TAFA1: variants seen among roughly 807,000 people sequenced by gnomAD.
TAFA1 encodes the protein TAFA chemokine like family member 1.
A neutral mutation model predicts 18.5 loss-of-function variants in TAFA1; 4 were observed. That is an observed-to-expected ratio of 0.22 (90% CI 0.11 to 0.49). The LOEUF is 0.49. Among genes scored for constraint, TAFA1 ranks in the 20% least tolerant of loss-of-function variants. The probability of loss-of-function intolerance (pLI) is 0.98; values close to 1 mark genes in which losing one functional copy is unlikely to be tolerated. For synonymous variants in TAFA1, 56 were observed against 55.2 expected (o/e 1.01, Z -0.06); for missense variants, 147 against 169.0 (o/e 0.87, Z 0.72).
chr3:68,133,311 G>A (rs1285452292), intron 2 of TAFA1, among the ~76,000 whole-genome samples: 2 of 152,114 alleles, frequency 1.3e-5, no homozygotes, highest in African/African-American at 4.8e-5. Context: ...GATGCTTCCA[G>A]CTTTGTTCTT....
chr3:68,094,776 C>T (rs760811463), intron 2 of TAFA1, among the ~76,000 whole-genome samples: 61 of 152,198 alleles, frequency 4.0e-4, no homozygotes, highest in Non-Finnish European at 7.8e-4. Context: ...ATCACAAGTA[C>T]TGAGTGGATG....
At chr3:68,145,507 T>C in intron 2 of TAFA1, 1 of 1,010,242 alleles carries the variant, frequency 9.9e-7, no homozygotes, top group Non-Finnish European at 1.6e-6. Flanking sequence ...GAAAGCCAGT[T>C]GCAGGGGCCC....
chr3:68,190,890 TA>T (rs34950789), intron 2 of TAFA1, among the ~76,000 whole-genome samples: 2 of 151,818 alleles, frequency 1.3e-5, no homozygotes, highest in African/African-American at 4.8e-5. Flanking sequence ...ATGAATTAAA[TA>T]AAAAAGTATC....
chr3:68,110,015 G>A (rs1030126478), intron 2 of TAFA1, among the ~76,000 whole-genome samples: 2 of 151,956 alleles, frequency 1.3e-5, no homozygotes, highest in Non-Finnish European at 2.9e-5. Flanking sequence ...TGTGCAGCAT[G>A]TGCAGGTTTG....
intron 2 of TAFA1, among the ~76,000 whole-genome samples, chr3:68,350,171 G>C (rs73101110): frequency 0.022 from 3,309 of 152,220 alleles, 50 homozygotes; most frequent in Non-Finnish European, 0.035. Flanking sequence ...GGTACTCAGC[G>C]CCTCAATCGG....
chr3:68,120,787 A>G (rs978186394), intron 2 of TAFA1, among the ~76,000 whole-genome samples: 2 of 152,158 alleles, frequency 1.3e-5, no homozygotes, highest in African/African-American at 2.4e-5. Flanking sequence ...TTAGAAACCT[A>G]TGGTAGGGGA....
At chr3:68,129,407 G>A (rs1202663967) in intron 2 of TAFA1, among the ~76,000 whole-genome samples, 1 of 152,212 alleles carries the variant, frequency 6.6e-6, no homozygotes, top group Admixed American at 6.5e-5. Context: ...ATGAACTACT[G>A]CAAGATACTC....
chr3:68,237,425 C>A (rs1399564250), intron 2 of TAFA1, among the ~76,000 whole-genome samples: 1 of 152,200 alleles, frequency 6.6e-6, no homozygotes, highest in Admixed American at 6.5e-5. Flanking sequence ...TGGGAGGACA[C>A]AAACATTCAG....
At chr3:68,393,984 A>G (rs2070321278) in intron 2 of TAFA1, among the ~76,000 whole-genome samples, 2 of 152,332 alleles carry the variant, frequency 1.3e-5, no homozygotes, top group South Asian at 4.1e-4. Context: ...CACCACTCCT[A>G]TTCAACATAG....
In TAFA1 at chr3:68,006,640, C is replaced by T. The variant is rs781766500; in HGVS notation, c.14C>T (p.Ser5Phe). ...TCTCTTTAGAGAATGGCAATGGTCT[C>T]TGCGATGTCCTGGGTCCTGTATTTG... MAMVSAMSWVLYLWI... is the reference protein window; with the variant it reads MAMVFAMSWVLYLWI... The change falls in exon 2 of 5, where the codon TCT becomes TTT. Residue 5 changes from serine (S) to phenylalanine (F), a missense_variant. Transcript: ENST00000478136. 6.2e-7 allele frequency: 1 copy of T among 1,613,502 alleles called. No homozygotes were observed. The highest frequency in any genetic ancestry group is 8.5e-7 in the Non-Finnish European group (1 of 1,179,436).
intron 2 of TAFA1, among the ~76,000 whole-genome samples, chr3:68,274,041 C>G (rs773410434): frequency 6.6e-6 from 1 of 152,146 alleles, no homozygotes; most frequent in Non-Finnish European, 1.5e-5. Flanking sequence ...TATGAGATTA[C>G]CTGCCAAGAA....
chr3:68,339,675 T>C (rs7433109), intron 2 of TAFA1, among the ~76,000 whole-genome samples: 10,979 of 152,258 alleles, frequency 0.072, 1,095 homozygotes, highest in African/African-American at 0.21. Flanking sequence ...TTGAATATGC[T>C]GTTGCCACTT....
intron 2 of TAFA1, among the ~76,000 whole-genome samples, chr3:68,293,249 A>G (rs1382678143): frequency 6.6e-6 from 1 of 152,206 alleles, no homozygotes; most frequent in Non-Finnish European, 1.5e-5. Context: ...GGATCTTCAC[A>G]TGCTTTCTGA....
At chr3:68,076,187 G>A (rs1455824415) in intron 2 of TAFA1, among the ~76,000 whole-genome samples, 3 of 152,022 alleles carry the variant, frequency 2.0e-5, no homozygotes, top group Non-Finnish European at 4.4e-5. Context: ...GTGGTGTAGT[G>A]GTCTTTGAAG....
chr3:68,122,851 T>G (rs964836497), intron 2 of TAFA1, among the ~76,000 whole-genome samples: 10 of 152,150 alleles, frequency 6.6e-5, no homozygotes, highest in East Asian at 5.8e-4. Flanking sequence ...TATTATACAC[T>G]AGATTTTTAC....
chr3:68,448,583 AAG>A (rs2071512619), intron 3 of TAFA1, among the ~76,000 whole-genome samples: 1 of 152,164 alleles, frequency 6.6e-6, no homozygotes, highest in African/African-American at 2.4e-5. Flanking sequence ...ATTGCAGTTA[AAG>A]GTTAATGGAA....
At chr3:68,513,847 C>A (rs2072883469) in intron 3 of TAFA1, among the ~76,000 whole-genome samples, 1 of 152,114 alleles carries the variant, frequency 6.6e-6, no homozygotes, top group South Asian at 2.1e-4. Flanking sequence ...TCTCAAGTAG[C>A]TTTTGATCAA....
intron 2 of TAFA1, among the ~76,000 whole-genome samples, chr3:68,406,950 A>G (rs976409300): frequency 1.3e-5 from 2 of 152,210 alleles, no homozygotes; most frequent in East Asian, 3.9e-4. Flanking sequence ...GAGTTTCAAC[A>G]TATCCAACGT....
intron 3 of TAFA1, among the ~76,000 whole-genome samples, chr3:68,489,987 T>C (rs1048361122): frequency 2.0e-5 from 3 of 152,180 alleles, no homozygotes; most frequent in African/African-American, 7.2e-5. Context: ...TGCAACCCTT[T>C]TGTGAAACAA....
Sources: gnomAD v4.1 joint callset for allele counts (sites outside exome capture counted in the v4.1 genomes callset) on GRCh38, gnomAD v4.1.1 for gene constraint, MANE v1.5 for transcripts, NCBI Gene and HGNC (gene_info 2026-07-23, HGNC 2026-07-21) for gene names.